The following MYO5A variants were observed in gnomAD, a reference collection of about 807,000 sequenced individuals.
The protein encoded by MYO5A is myosin VA, also known as unconventional myosin-Va.
A neutral mutation model predicts 249.7 loss-of-function variants in MYO5A; 98 were observed. The ratio of observed to expected loss-of-function variants is 0.39; its 90% CI spans 0.33 to 0.46. The LOEUF is 0.46. Among genes scored for constraint, MYO5A ranks in the 20% least tolerant of loss-of-function variants. The probability of loss-of-function intolerance (pLI) is 0.98; values close to 1 mark genes in which losing one functional copy is unlikely to be tolerated. For synonymous variants in MYO5A, 778 were observed against 810.6 expected (o/e 0.96, Z 0.68); for missense variants, 1,696 against 2,308.8 (o/e 0.73, Z 5.44).
chr15:52,436,757 T>C (rs931713430), intron 1 of MYO5A, among the ~76,000 whole-genome samples: 2 of 152,230 alleles, frequency 1.3e-5, no homozygotes, highest in Admixed American at 6.5e-5. Context: ...GGCATCTCTT[T>C]AAATTGAATA....
intron 13 of MYO5A, 75 bp from the exon 14 acceptor site, chr15:52,387,987 C>T (rs945711345): frequency 5.6e-6 from 6 of 1,073,512 alleles, no homozygotes; most frequent in Non-Finnish European, 8.5e-6. Context: ...TAATAAGAAT[C>T]TTTATTAGTC....
intron 35 of MYO5A, among the ~76,000 whole-genome samples, chr15:52,328,285 A>G (rs2038706730): frequency 6.6e-6 from 1 of 152,198 alleles, no homozygotes; most frequent in Admixed American, 6.5e-5. Context: ...GCTCAGGCAC[A>G]TGAAACTAAG....
chr15:52,332,442 G>A (rs539570753), intron 34 of MYO5A, among the ~76,000 whole-genome samples: 2 of 152,224 alleles, frequency 1.3e-5, no homozygotes, highest in Admixed American at 1.3e-4. Flanking sequence ...TACTAAGAAA[G>A]TTTATGTTTT....
Position 52,340,379 on chromosome 15 carries a change from C to G in MYO5A, c.4056G>C (p.Gln1352His). 1 of 1,612,946 alleles carries G rather than the reference C, an allele frequency of 6.2e-7. No individual in the cohort carries two copies. Residue 1352 changes from glutamine (Q) to histidine (H), a missense_variant, in exon 32 of 42, where the codon CAG (glutamine) becomes CAC (histidine). Coordinates refer to ENST00000399233, the MANE Select transcript of MYO5A (RefSeq NM_001382347.1). ...CATGGCTCCTCTTCTGTGACTGCAG[C>G]TGGGATTCCAGGAGCCTGCGGAGAG... The part of the protein sequence containing the change: ...LKQANRLLES[Q>H]LQSQKRSHEN...
At chr15:52,320,098 C>T (rs977189798) in intron 38 of MYO5A, among the ~76,000 whole-genome samples, 2 of 152,168 alleles carry the variant, frequency 1.3e-5, no homozygotes, top group Non-Finnish European at 2.9e-5. Flanking sequence ...GAGCTGGGCC[C>T]TTCCTTATTC....
At chr15:52,422,448 C>T (rs1481157469) in intron 4 of MYO5A, among the ~76,000 whole-genome samples, 1 of 152,202 alleles carries the variant, frequency 6.6e-6, no homozygotes, top group Non-Finnish European at 1.5e-5. Context: ...CCATCTTCTA[C>T]ATCTCAATAA....
At chr15:52,453,099 A>G (rs2076052594) in intron 1 of MYO5A, among the ~76,000 whole-genome samples, 1 of 152,276 alleles carries the variant, frequency 6.6e-6, no homozygotes, top group Non-Finnish European at 1.5e-5. Flanking sequence ...CATACATTTG[A>G]CCCAAATGAG....
intron 36 of MYO5A, among the ~76,000 whole-genome samples, chr15:52,326,180 T>C (rs2038595352): frequency 2.0e-5 from 3 of 152,232 alleles, no homozygotes; most frequent in Admixed American, 6.5e-5. Flanking sequence ...TTAAATGGTA[T>C]TAAAGAGTGT....
chr15:52,485,276 A>C lies in MYO5A; in HGVS notation c.27+43504T>G, dbSNP rs1278535462. Among the ~76,000 whole-genome samples the C allele has an allele frequency of 7.3e-5, 11 of 151,408 alleles. No individual in the cohort carries two copies. In the East Asian group the frequency reaches 2.1e-3, roughly 29 times the overall value. On this transcript the variant is annotated intron_variant, in intron 1 of 41. Transcript: ENST00000399233. Reference sequence around the variant, plus strand: ...TCACTATGTAAAAAAAAAAAAAAAAAAAACAAGACTGTCAGGTGATTAATC... The same window carrying C: ...TCACTATGTAAAAAAAAAAAAAAAACAAACAAGACTGTCAGGTGATTAATC...
intron 1 of MYO5A, among the ~76,000 whole-genome samples, chr15:52,437,236 C>A (rs2075683739): frequency 6.6e-6 from 1 of 152,146 alleles, no homozygotes; most frequent in Admixed American, 6.5e-5. Flanking sequence ...TTTACAAAGA[C>A]AGCACTTTTG....
At chr15:52,465,227 C>G (rs1285822575) in intron 1 of MYO5A, among the ~76,000 whole-genome samples, 1 of 152,166 alleles carries the variant, frequency 6.6e-6, no homozygotes, top group African/African-American at 2.4e-5. Context: ...CCCTGTTGGC[C>G]TGCATCTTTA....
chr15:52,368,690 A>C (rs1249045177), intron 22 of MYO5A, among the ~76,000 whole-genome samples: 2 of 152,224 alleles, frequency 1.3e-5, no homozygotes, highest in Admixed American at 6.5e-5. Flanking sequence ...AAACAGCTTG[A>C]GGCCAGGAGT....
chr15:52,402,563 G>C (rs894988670), intron 9 of MYO5A, among the ~76,000 whole-genome samples: 1 of 152,184 alleles, frequency 6.6e-6, no homozygotes, highest in Non-Finnish European at 1.5e-5. Context: ...GCTCATTTAA[G>C]GCCAGGCGCA....
chr15:52,460,705 T>C (rs2141411149), intron 1 of MYO5A, among the ~76,000 whole-genome samples: 1 of 152,278 alleles, frequency 6.6e-6, no homozygotes, highest in South Asian at 2.1e-4. Flanking sequence ...TGTAGCGTTA[T>C]AGCTTAAAGA....
At chr15:52,372,922 C>T (rs923065362) in intron 20 of MYO5A, among the ~76,000 whole-genome samples, 2 of 151,740 alleles carry the variant, frequency 1.3e-5, no homozygotes, top group African/African-American at 4.8e-5. Context: ...GAGGCCAACA[C>T]TTGGGGTACT....
chr15:52,440,876 G>C (rs1166933581), intron 1 of MYO5A, among the ~76,000 whole-genome samples: 1 of 152,086 alleles, frequency 6.6e-6, no homozygotes, highest in Non-Finnish European at 1.5e-5. Flanking sequence ...ATCTTTATTA[G>C]CTTCTGTATT....
At chr15:52,406,031 A>C (rs1228762491) in intron 8 of MYO5A, among the ~76,000 whole-genome samples, 1 of 152,226 alleles carries the variant, frequency 6.6e-6, no homozygotes, top group Non-Finnish European at 1.5e-5. Flanking sequence ...TATGCGTCCA[A>C]ATACAGCATC....
At chr15:52,361,054 G>A (rs539044780) in intron 24 of MYO5A, among the ~76,000 whole-genome samples, 69 of 152,274 alleles carry the variant, frequency 4.5e-4, no homozygotes, top group African/African-American at 1.5e-3. Context: ...GGCTTATGGA[G>A]AGCAGACTCA....
chr15:52,339,375 C>T (rs2039274901), intron 32 of MYO5A, among the ~76,000 whole-genome samples: 1 of 151,992 alleles, frequency 6.6e-6, no homozygotes, highest in African/African-American at 2.4e-5. Context: ...ATCGGGCTAG[C>T]ACTACAATAT....
Sources: gnomAD v4.1 joint callset for allele counts (sites outside exome capture counted in the v4.1 genomes callset) on GRCh38, gnomAD v4.1.1 for gene constraint, MANE v1.5 for transcripts, NCBI Gene and HGNC (gene_info 2026-07-23, HGNC 2026-07-21) for gene names.